Variants in C16orf90 observed in about 807,000 individuals in gnomAD.
The protein encoded by C16orf90 is chromosome 16 open reading frame 90, also known as uncharacterized protein C16orf90.
A neutral mutation model predicts 17.1 loss-of-function variants in C16orf90; 17 were observed. That is an observed-to-expected ratio of 1.00 (90% CI 0.68 to 1.49). The LOEUF (loss-of-function observed/expected upper bound fraction) is 1.49, where lower values mean the gene tolerates loss of function less well. Ranked by LOEUF, C16orf90 falls within the 40% of genes most tolerant of loss-of-function variation. The pLI is 0.00. For synonymous variants in C16orf90, 108 were observed against 95.8 expected, an observed-to-expected ratio of 1.13 and a Z score of -0.75; for missense variants, 255 against 235.5, an observed-to-expected ratio of 1.08 and a Z score of -0.54.
rs528536488 is a variant in C16orf90 at position 3,495,439 on chromosome 16, G to C, written c.-18C>G. 2.3e-5 allele frequency: 37 copies of C among 1,608,180 alleles called. No individual in the cohort carries two copies. Among genetic ancestry groups the C allele is most frequent in the Non-Finnish European group, 3.1e-5 (37 of 1,177,210 alleles). ...GCTTCCATGGAGGGCCAGTGTGGTG[G>C]GGAGGAGCAACCAGGACTTGGGTGC... On this transcript the variant is annotated 5_prime_UTR_variant, in exon 1 of 3. Transcript: ENST00000437192.
intron 2 of C16orf90, among the ~76,000 whole-genome samples, chr16:3,494,259 C>T (rs2151031657): frequency 6.6e-6 from 1 of 152,330 alleles, no homozygotes; most frequent in East Asian, 1.9e-4. Flanking sequence ...CAAGGCCCCT[C>T]ACCGAGTGTG....
upstream of C16orf90, chr16:3,496,244 G>C: frequency 1.5e-6 from 1 of 649,748 alleles, no homozygotes. Context: ...AAGGTTCGGC[G>C]CAAAGAGCCC....
chr16:3,496,174 G>A (rs2037306602), upstream of C16orf90: 19 of 505,578 alleles, frequency 3.8e-5, no homozygotes, highest in Middle Eastern at 6.0e-4. Flanking sequence ...TCATCTTTCC[G>A]GACCTGGCCA....
In C16orf90 at chr16:3,493,864, C is replaced by T. The variant is rs371199813; in HGVS notation, c.524G>A (p.Arg175His). The change falls in exon 3 of 3, where the codon CGC becomes CAC. Residue 175 changes from arginine to histidine, a missense_variant. Physicochemically the swap from Arg to His is conservative, Grantham distance 29 (BLOSUM62 0). Coordinates refer to ENST00000437192, the MANE Select transcript of C16orf90 (RefSeq NM_001080524.2). ...EAMCPLCKRT[R>H]SGALERP ...CTATGGCCTCTCCAGGGCCCCAGAG[C>T]GGGTTCTCTTGCACAAGGGACACAT... The T allele has an allele frequency of 1.4e-5, 23 of 1,605,412 alleles. No individual in the cohort carries two copies. The highest frequency in any genetic ancestry group is 2.7e-5 in the African/African-American group (2 of 74,754).
chr16:3,494,991 A>G (rs2151032439), intron 1 of C16orf90, 114 bp from the exon 2 acceptor site: 3 of 812,862 alleles, frequency 3.7e-6, no homozygotes, highest in Non-Finnish European at 5.6e-6. Context: ...CCCCCAGCCA[A>G]CCTGGCCTCA....
chr16:3,495,759 A>C (rs2037300272), upstream of C16orf90, among the ~76,000 whole-genome samples: 1 of 152,030 alleles, frequency 6.6e-6, no homozygotes, highest in Non-Finnish European at 1.5e-5. Flanking sequence ...CTGGGGTGGG[A>C]AATGAGGGTT....
chr16:3,495,375 C>G lies in C16orf90; in HGVS notation c.46+1G>C, dbSNP rs373677791. ...TGCCACTCCTCCCCACAGCCCGGCA[C>G]CTTCTCTTATGTGCAGCTCAGAAAA... On this transcript the variant is annotated splice_donor_variant, in intron 1 of 2. Coordinates refer to ENST00000437192, the MANE Select transcript of C16orf90 (RefSeq NM_001080524.2). LOFTEE classifies it high-confidence loss of function. 6.2e-7 allele frequency: 1 copy of G among 1,607,536 alleles called. No individual in the cohort carries two copies. Among genetic ancestry groups the G allele is most frequent in the Non-Finnish European group, 8.5e-7 (1 of 1,176,942 alleles).
chr16:3,493,595 G>T lies in C16orf90; in HGVS notation c.*244C>A. The T allele has an allele frequency of 2.7e-6, 1 of 367,856 alleles. No individual in the cohort carries two copies. Among genetic ancestry groups the T allele is most frequent in the Non-Finnish European group, 5.1e-6 (1 of 195,948 alleles). 22.8% of individuals were successfully genotyped at this position (367,856 alleles called of 1,614,324 possible). A position where few individuals can be genotyped will look rare whatever the true frequency, so the allele number is the denominator to read the frequency against. On this transcript the variant is annotated 3_prime_UTR_variant, in exon 3 of 3. Transcript: ENST00000437192. ...CAGCCCGGCCTCCCAGGTACAAGTG[G>T]CTGACTGGAGTCTAAGCAGGCTGCA...
chr16:3,493,567 A>G lies in C16orf90; in HGVS notation c.*272T>C. 6.4e-6 allele frequency: 2 copies of G among 311,670 alleles called. No individual in the cohort carries two copies. The highest frequency in any genetic ancestry group is 1.2e-5 in the Non-Finnish European group (2 of 161,756). 19.3% of individuals were successfully genotyped at this position (311,670 alleles called of 1,614,324 possible). A position where few individuals can be genotyped will look rare whatever the true frequency, so the allele number is the denominator to read the frequency against. On this transcript the variant is annotated 3_prime_UTR_variant, in exon 3 of 3. Coordinates refer to ENST00000437192, the MANE Select transcript of C16orf90 (RefSeq NM_001080524.2). ...CGGTGGCGGGGGGGCCTGATTCTGC[A>G]CTCAGCCCGGCCTCCCAGGTACAAG...
At position 3,495,395 on chromosome 16, in the gene C16orf90, A is replaced by G; in HGVS notation, c.27T>C (p.Ser9=). The change falls in exon 1 of 3, where the codon TCT becomes TCC. Residue 9 remains serine (S), a synonymous_variant. Transcript: ENST00000437192. MEALVCAF[S]ELHIREDAVS... is the part of the protein sequence containing the mutation. ...CGGCACCTTCTCTTATGTGCAGCTC[A>G]GAAAATGCACAGACCAAGGCTTCCA... 6.2e-7 allele frequency: 1 copy of G among 1,610,098 alleles called. No homozygotes were observed. The highest frequency in any genetic ancestry group is 8.5e-7 in the Non-Finnish European group (1 of 1,178,228).
chr16:3,495,535 A>C, upstream of C16orf90: 1 of 1,522,142 alleles, frequency 6.6e-7, no homozygotes, highest in Non-Finnish European at 8.8e-7. Context: ...TTCTTATGAC[A>C]TCACGGGGAA....
In C16orf90 at chr16:3,493,690, C is replaced by T. The variant is rs1435341290; in HGVS notation, c.*149G>A. The stretch of plus-strand genomic sequence containing the variant: ...CTCCTCCTCCTCCCTCTCCCCATCA[C>T]ATTCTCCCGAGGCCCAGGCCTGGGC... On this transcript the variant is annotated 3_prime_UTR_variant, in exon 3 of 3. Transcript: ENST00000437192. The T allele has an allele frequency of 1.6e-6, 1 of 620,562 alleles. No homozygotes were observed. Among genetic ancestry groups the T allele is most frequent in the African/African-American group, 1.8e-5 (1 of 54,648 alleles). The allele number at this position is 620,562 out of a possible 1,614,324, so 38.4% of individuals were successfully genotyped here.
intron 1 of C16orf90, 85 bp downstream of exon 1, chr16:3,495,291 T>A (rs1363875548): frequency 1.0e-5 from 15 of 1,472,760 alleles, no homozygotes; most frequent in Middle Eastern, 1.7e-4. Context: ...AGCATACATG[T>A]CCCTGAGGCC....
At chr16:3,495,000 C>T (rs1233562891) in intron 1 of C16orf90, 123 bp from the exon 2 acceptor site, 1 of 746,302 alleles carries the variant, frequency 1.3e-6, no homozygotes, top group African/African-American at 1.8e-5. Flanking sequence ...AACCTGGCCT[C>T]AGTTTACCTG....
Position 3,494,586 on chromosome 16 carries a change from C to T in C16orf90, c.338G>A (p.Arg113His), listed in dbSNP as rs61731451. 16,842 of 1,612,876 alleles carry T rather than the reference C, an allele frequency of 0.01. 318 individuals carry two copies. Among genetic ancestry groups the T allele is most frequent in the African/African-American group, 0.054 (4,067 of 75,056 alleles). The change falls in exon 2 of 3, where the codon CGT (arginine) becomes CAT (histidine). Residue 113 changes from arginine (R) to histidine (H), a missense_variant. Transcript: ENST00000437192. Reference protein sequence around the residue: ...LDLPQGTLGPRNSLCSALLEA... With the variant: ...LDLPQGTLGPHNSLCSALLEA... ...CAGAAGGGCTGAACAGAGGCTGTTA[C>T]GTGGGCCCAGAGTCCCCTGTGGCAG...
In C16orf90 at chr16:3,493,846, C is replaced by T; in HGVS notation, c.542G>A (p.Arg181Lys). 9.4e-6 allele frequency: 15 copies of T among 1,601,776 alleles called. No homozygotes were observed. The highest frequency in any genetic ancestry group is 1.3e-5 in the Non-Finnish European group (15 of 1,174,752). The change falls in exon 3 of 3, where the codon AGG (arginine) becomes AAG (lysine). Residue 181 changes from arginine (R) to lysine (K), a missense_variant. Coordinates refer to ENST00000437192, the MANE Select transcript of C16orf90 (RefSeq NM_001080524.2). Reference protein sequence around the residue: ...CKRTRSGALERP With the variant: ...CKRTRSGALEKP ...TCCTGGCACTCGGGATCCCTATGGC[C>T]TCTCCAGGGCCCCAGAGCGGGTTCT...
upstream of C16orf90, chr16:3,495,628 G>A: frequency 9.0e-7 from 1 of 1,108,194 alleles, no homozygotes. Context: ...CATGGGAAGG[G>A]GCCAGAACCC....
chr16:3,495,319 C>A (rs2151032710), intron 1 of C16orf90, 57 bp downstream of exon 1: 1 of 1,562,940 alleles, frequency 6.4e-7, no homozygotes, highest in African/African-American at 1.4e-5. Flanking sequence ...GGCTTTGGGC[C>A]CAGGTGGGGA....
In C16orf90 at chr16:3,493,999, G is replaced by A. The variant is rs1452729697; in HGVS notation, c.401-12C>T. On this transcript the variant is annotated splice_polypyrimidine_tract_variant and intron_variant, in intron 2 of 2. Coordinates refer to ENST00000437192, the MANE Select transcript of C16orf90 (RefSeq NM_001080524.2). ...GCTGGAACTGGAAGCTGAGGAAAGA[G>A]GAGAGAAAGGAGTCACTTGAGGGAC... The A allele has an allele frequency of 1.3e-6, 2 of 1,599,430 alleles. No individual in the cohort carries two copies. The highest frequency in any genetic ancestry group is 1.1e-5 in the South Asian group (1 of 89,606).
Sources: gnomAD v4.1 joint callset for allele counts (sites outside exome capture counted in the v4.1 genomes callset) on GRCh38, gnomAD v4.1.1 for gene constraint, MANE v1.5 for transcripts, NCBI Gene and HGNC (gene_info 2026-07-23, HGNC 2026-07-21) for gene names.